The following QTRT2 variants were observed in gnomAD, a reference collection of about 807,000 sequenced individuals.
QTRT2 encodes the protein queuine tRNA-ribosyltransferase accessory subunit 2.
A neutral mutation model predicts 44.8 loss-of-function variants in QTRT2; 32 were observed. The observed-to-expected ratio is 0.71, with a 90% confidence interval of 0.54 to 0.96. The LOEUF is 0.96. Ranked by LOEUF, QTRT2 falls within the 40% of genes least tolerant of loss-of-function variation. The pLI is 0.00. For missense variants in QTRT2, 461 were observed against 503.1 expected (o/e 0.92, Z 0.80); for synonymous variants, 182 against 187.4 (o/e 0.97, Z 0.24).
chr3:114,057,099 G>C lies in QTRT2; in HGVS notation c.-29G>C, dbSNP rs2076804079. On this transcript the variant is annotated 5_prime_UTR_variant, in exon 2 of 10. Coordinates refer to ENST00000281273, the MANE Select transcript of QTRT2 (RefSeq NM_024638.4). The stretch of plus-strand genomic sequence containing the variant: ...AAAGGGCCCCTTTCGACTAGCCTCT[G>C]CTGAAAGGTAGAGTTTTCAGGAAGT... The C allele has an allele frequency of 7.4e-7, 1 of 1,347,110 alleles. No individual in the cohort carries two copies. Among genetic ancestry groups the C allele is most frequent in the African/African-American group, 1.5e-5 (1 of 66,432 alleles). 83.4% of individuals were successfully genotyped at this position (1,347,110 alleles called of 1,614,324 possible).
chr3:114,065,471 C>G lies in QTRT2; in HGVS notation c.200+14C>G, dbSNP rs762382732. On this transcript the variant is annotated intron_variant, in intron 3 of 9. Coordinates refer to ENST00000281273, the MANE Select transcript of QTRT2 (RefSeq NM_024638.4). ...GCTGTCATCCCTGTAAGTGTTAGAA[C>G]CAATGATTCAAGTATCAACTGTGGC... 6.3e-7 allele frequency: 1 copy of G among 1,594,648 alleles called. No homozygotes were observed. The highest frequency in any genetic ancestry group is 2.2e-5 in the East Asian group (1 of 44,748).
intron 2 of QTRT2, among the ~76,000 whole-genome samples, chr3:114,058,782 C>G (rs534709294): frequency 3.3e-5 from 5 of 152,320 alleles, no homozygotes; most frequent in African/African-American, 1.2e-4. Context: ...CCTCCCACTT[C>G]GGACTCCCAG....
intron 7 of QTRT2, 81 bp from the exon 8 acceptor site, chr3:114,079,825 G>T: frequency 2.3e-6 from 3 of 1,329,082 alleles, no homozygotes; most frequent in Admixed American, 3.6e-5. Context: ...TATTTTTTTA[G>T]TGCCTTGTTC....
intron 6 of QTRT2, 89 bp downstream of exon 6, chr3:114,070,927 C>A: frequency 1.1e-6 from 1 of 949,746 alleles, no homozygotes; most frequent in Non-Finnish European, 1.6e-6. Flanking sequence ...CTTCCTCCTA[C>A]TGCTGTGCTC....
chr3:114,081,962 T>C (rs1320243144), intron 8 of QTRT2, among the ~76,000 whole-genome samples: 2 of 152,174 alleles, frequency 1.3e-5, no homozygotes, highest in Non-Finnish European at 2.9e-5. Context: ...AGTTGGCTTT[T>C]TGTAGAGTAG....
chr3:114,070,476 C>A, intron 5 of QTRT2, 150 bp from the exon 6 acceptor site: 1 of 644,936 alleles, frequency 1.6e-6, no homozygotes, highest in Non-Finnish European at 2.6e-6. Context: ...TATCTGTAAG[C>A]TATAAGATCC....
chr3:114,075,504 A>ATTTTTTTTTTTT (rs34436490), intron 6 of QTRT2, among the ~76,000 whole-genome samples: 1 of 118,754 alleles, frequency 8.4e-6, no homozygotes. Context: ...AGTTTTACTG[A>ATTTTTTTTTTTT]TTTTTTTTTT....
At chr3:114,062,425 C>G (rs1225494181) in intron 2 of QTRT2, among the ~76,000 whole-genome samples, 3 of 151,290 alleles carry the variant, frequency 2.0e-5, no homozygotes, top group Admixed American at 1.3e-4. Flanking sequence ...TGCAGGAGGC[C>G]CAGGTTCTAG....
chr3:114,070,039 A>G (rs1192082372), intron 5 of QTRT2, among the ~76,000 whole-genome samples: 1 of 152,202 alleles, frequency 6.6e-6, no homozygotes, highest in Non-Finnish European at 1.5e-5. Flanking sequence ...AGCATAGAGG[A>G]GTGAGTGATC....
chr3:114,082,737 A>T lies in QTRT2; in HGVS notation c.959A>T (p.Glu320Val), dbSNP rs1402098377. ...IKCMDQIKKI[E>V]TTGCNQEITS... ...TGTATGGATCAAATAAAGAAAATTG[A>T]AACAACTGGTTGCAACCAAGAAATA... is the stretch of plus-strand genomic sequence containing the variant. Residue 320 changes from glutamate (E) to valine (V), a missense_variant, in exon 9 of 10, where the codon GAA becomes GTA. Coordinates refer to ENST00000281273, the MANE Select transcript of QTRT2 (RefSeq NM_024638.4). 2.6e-6 allele frequency: 4 copies of T among 1,538,232 alleles called. No individual in the cohort carries two copies. The African/African-American group carries it at 4.1e-5, about 16-fold the overall frequency.
chr3:114,083,059 C>T (rs1005835028), intron 9 of QTRT2: 6 of 414,724 alleles, frequency 1.4e-5, no homozygotes, highest in South Asian at 2.1e-5. Flanking sequence ...CATTGTTTGG[C>T]GTCTTGTATT....
rs774503257 is a variant in QTRT2, at chr3:114,067,956, C to T, written c.257-31C>T. On this transcript the variant is annotated intron_variant, in intron 4 of 9. Transcript: ENST00000281273. ...TACAGTGTCATTGTTGATGTAAGCA[C>T]TTTCAAGGGTTCTTTTTTGTGTTTA... is the stretch of plus-strand genomic sequence containing the variant. The T allele has an allele frequency of 4.4e-6, 7 of 1,604,830 alleles. 1 individual carries two copies. In the South Asian group the frequency reaches 6.6e-5, roughly 15 times the overall value.
chr3:114,057,773 C>G (rs2076821594), intron 2 of QTRT2, among the ~76,000 whole-genome samples: 1 of 152,098 alleles, frequency 6.6e-6, no homozygotes, highest in South Asian at 2.1e-4. Flanking sequence ...TTTGTAAAAG[C>G]AAACCCTGAC....
At chr3:114,075,355 T>C (rs577605063) in intron 6 of QTRT2, among the ~76,000 whole-genome samples, 1 of 152,352 alleles carries the variant, frequency 6.6e-6, no homozygotes, top group South Asian at 2.1e-4. Context: ...TATTTACGTA[T>C]TGTACCTAGA....
intron 3 of QTRT2, among the ~76,000 whole-genome samples, chr3:114,065,694 C>T (rs1462758212): frequency 6.6e-6 from 1 of 152,168 alleles, no homozygotes; most frequent in Non-Finnish European, 1.5e-5. Flanking sequence ...CCCATACTGC[C>T]ATGTCGCCAC....
intron 4 of QTRT2, among the ~76,000 whole-genome samples, chr3:114,067,738 A>G (rs2076972365): frequency 6.6e-6 from 1 of 152,208 alleles, no homozygotes; most frequent in South Asian, 2.1e-4. Flanking sequence ...GTGCTTTAAG[A>G]TACATCTTTC....
At chr3:114,062,841 G>A (rs566779916) in intron 2 of QTRT2, among the ~76,000 whole-genome samples, 1 of 152,252 alleles carries the variant, frequency 6.6e-6, no homozygotes, top group Non-Finnish European at 1.5e-5. Context: ...ACCCAATGAA[G>A]GTTCTTCGTG....
chr3:114,078,002 C>G (rs1186953813), intron 7 of QTRT2: 2 of 152,142 alleles, frequency 1.3e-5, no homozygotes, highest in Non-Finnish European at 2.9e-5. Context: ...CGCGATTTTA[C>G]TACTTTTTTA....
rs1208054213 is a variant in QTRT2, at chr3:114,076,889, T to G, written c.693T>G (p.Ala231=). 3 of 1,614,062 alleles carry G rather than the reference T, an allele frequency of 1.9e-6. No homozygotes were observed. Among genetic ancestry groups the G allele is most frequent in the Non-Finnish European group, 2.5e-6 (3 of 1,180,044 alleles). The stretch of plus-strand genomic sequence containing the variant: ...AAGGAAATCCAACAACCCTGGAGGC[T>G]AGACTACGCTTGCTGTCATCAGTCA... ...GFQGNPTTLE[A]RLRLLSSVTA... Residue 231 remains alanine (A), a synonymous_variant, in exon 7 of 10, where the codon GCT becomes GCG. Transcript: ENST00000281273.
Sources: allele counts gnomAD v4.1 joint callset (sites outside exome capture counted in the v4.1 genomes callset), GRCh38; gene constraint gnomAD v4.1.1; transcripts MANE v1.5; gene names NCBI Gene and HGNC (gene_info 2026-07-23, HGNC 2026-07-21).